The following UBR4 variants were observed in gnomAD, a reference collection of about 807,000 sequenced individuals.
The protein encoded by UBR4 is E3 ubiquitin-protein ligase UBR4.
Under a neutral mutation model 575.6 loss-of-function variants are expected in UBR4, and 124 were observed. That is an observed-to-expected ratio of 0.22 (90% CI 0.19 to 0.25). The LOEUF is 0.25. UBR4 is among the 10% of genes least tolerant of loss of function. The probability of loss-of-function intolerance (pLI) is 1.00; values close to 1 mark genes in which losing one functional copy is unlikely to be tolerated. For synonymous variants in UBR4, 2,455 were observed against 2,473.7 expected, an observed-to-expected ratio of 0.99 and a Z score of 0.22; for missense variants, 4,818 against 6,478.8, an observed-to-expected ratio of 0.74 and a Z score of 8.80.
Position 19,148,590 on chromosome 1 carries a change from G to C in UBR4, c.7467C>G (p.Cys2489Trp), listed in dbSNP as rs1355327804. 42 of 1,614,116 alleles carry C rather than the reference G, an allele frequency of 2.6e-5. No individual in the cohort carries two copies. The highest frequency in any genetic ancestry group is 3.3e-5 in the Non-Finnish European group (39 of 1,180,046). Residue 2489 changes from cysteine to tryptophan, a missense_variant, in exon 50 of 106, where the codon TGC (cysteine) becomes TGG (tryptophan). By Grantham distance (215) the Cys-to-Trp change is radical. This residue lies in a region of UBR4 where 340 missense variants were observed against 375.4 expected (regional missense o/e 0.91). Coordinates refer to ENST00000375254, the MANE Select transcript of UBR4 (RefSeq NM_020765.3). ...TCTCGATGATTGGGCCAACGGCAAA[G>C]CAGCTTTCCAGGGCTTCTAAAGAAC... ...VVSSLEALES[C>W]FAVGPIIEKE...
At chr1:19,130,494 C>T (rs2082295301) in intron 60 of UBR4, among the ~76,000 whole-genome samples, 1 of 152,188 alleles carries the variant, frequency 6.6e-6, no homozygotes. Flanking sequence ...CCAGCCTGAA[C>T]AACAGAGCAA....
rs2078555205 is a variant in UBR4 at position 19,100,867 on chromosome 1, AG to A, written c.13024-295del. On this transcript the variant is annotated intron_variant, in intron 88 of 105. Coordinates refer to ENST00000375254, the MANE Select transcript of UBR4 (RefSeq NM_020765.3). This position sits in a 1 kb window ranked among gnomAD's most constrained non-coding sequence, Gnocchi z 4.2. ...GAGAGATATATTAAAAAATCGGGGAAGGGGTGCGAGGAGGGACTTTCCTTCC... is the reference window on the plus strand; with the variant it reads ...GAGAGATATATTAAAAAATCGGGGAAGGGTGCGAGGAGGGACTTTCCTTCC... Among the ~76,000 whole-genome samples, 1 of 151,990 alleles carries A rather than the reference AG, an allele frequency of 6.6e-6. No individual in the cohort carries two copies. Among genetic ancestry groups the A allele is most frequent in the African/African-American group, 2.4e-5 (1 of 41,372 alleles).
chr1:19,132,974 C>G (rs2082715794), intron 60 of UBR4, among the ~76,000 whole-genome samples: 1 of 152,138 alleles, frequency 6.6e-6, no homozygotes, highest in African/African-American at 2.4e-5. Context: ...TAAATCTTCC[C>G]TTAAATAAAG....
chr1:19,193,599 C>G, intron 8 of UBR4, 42 bp from the exon 9 acceptor site: 1 of 1,564,220 alleles, frequency 6.4e-7, no homozygotes, highest in Non-Finnish European at 8.7e-7. Flanking sequence ...GGAGTGCATC[C>G]AAGAATCCAC....
chr1:19,178,951 T>G, intron 18 of UBR4, 100 bp downstream of exon 18: 1 of 1,440,472 alleles, frequency 6.9e-7, no homozygotes, highest in Non-Finnish European at 9.5e-7. Flanking sequence ...AACATTATCA[T>G]TACAGCAAAG....
chr1:19,209,850 A>G (rs1046768156), intron 1 of UBR4, among the ~76,000 whole-genome samples: 3 of 152,224 alleles, frequency 2.0e-5, no homozygotes, highest in Non-Finnish European at 4.4e-5. Flanking sequence ...GGAGGCCGCT[A>G]AAGTTTTGCT....
rs1557450952 is a variant in UBR4, at chr1:19,076,782, A to G, written c.15445T>C (p.Phe5149Leu). 6.2e-7 allele frequency: 1 copy of G among 1,613,708 alleles called. No individual in the cohort carries two copies. The highest frequency in any genetic ancestry group is 1.1e-5 in the South Asian group (1 of 91,048). Residue 5149 changes from phenylalanine to leucine, a missense_variant, in exon 105 of 106, where the codon TTC (phenylalanine) becomes CTC (leucine). This residue lies in a region of UBR4 where 212 missense variants were observed against 221.3 expected (regional missense o/e 0.96). Coordinates refer to ENST00000375254, the MANE Select transcript of UBR4 (RefSeq NM_020765.3). ...TCTGAGAAGGTCTCCACTGGCATGA[A>G]CTCCTCCTGGAAGGTTTTCAGGGCT... ...DKALKTFQEE[F>L]MPVETFSEFL... is the part of the protein sequence containing the mutation.
intron 30 of UBR4, 138 bp from the exon 31 acceptor site, chr1:19,165,487 AC>A: frequency 9.7e-7 from 1 of 1,033,670 alleles, no homozygotes. Flanking sequence ...CATGAAATTA[AC>A]CCCCTCACCA....
intron 105 of UBR4, 127 bp downstream of exon 105, chr1:19,076,613 G>A: frequency 1.6e-6 from 2 of 1,275,286 alleles, no homozygotes; most frequent in Non-Finnish European, 2.2e-6. Flanking sequence ...GGCTTTCAGT[G>A]GCAGCTGACA....
chr1:19,193,098 G>C (rs1212499644), intron 9 of UBR4, among the ~76,000 whole-genome samples: 1 of 152,128 alleles, frequency 6.6e-6, no homozygotes, highest in East Asian at 1.9e-4. Flanking sequence ...CAATCACAAT[G>C]TATTGTTTCA....
chr1:19,078,565 C>T (rs2076183750), intron 103 of UBR4: 1 of 159,014 alleles, frequency 6.3e-6, no homozygotes, highest in African/African-American at 2.4e-5. Context: ...ACTTGTCAAA[C>T]ATGTGCTGTG....
rs377505431 is a variant in UBR4 at position 19,167,016 on chromosome 1, G to A, written c.4109+6C>T. 2.5e-6 allele frequency: 4 copies of A among 1,614,164 alleles called. No homozygotes were observed. Among genetic ancestry groups the A allele is most frequent in the Non-Finnish European group, 3.4e-6 (4 of 1,180,000 alleles). ...AGGAAACCTGACTGTTCTCCATCAGGCTCACCTGTTAGGATCTGCATGATT... is the reference window on the plus strand; with the variant it reads ...AGGAAACCTGACTGTTCTCCATCAGACTCACCTGTTAGGATCTGCATGATT... On this transcript the variant is annotated splice_donor_region_variant and intron_variant, in intron 29 of 105. Transcript: ENST00000375254.
At position 19,094,023 on chromosome 1, in the gene UBR4, C is replaced by T. The variant is rs540655585; in HGVS notation, c.13863G>A (p.Pro4621=). Reference sequence around the variant, plus strand: ...TCTCCACCTCTCCAAAGGAAAGGTACGGGATGATGCGAAGCAGGCCCTGGA... The same window carrying T: ...TCTCCACCTCTCCAAAGGAAAGGTATGGGATGATGCGAAGCAGGCCCTGGA... ...SVLQGLLRII[P]YLSFGEVEKM... Residue 4621 remains proline (P), a synonymous_variant, in exon 95 of 106, where the codon CCG becomes CCA. Coordinates refer to ENST00000375254, the MANE Select transcript of UBR4 (RefSeq NM_020765.3). The T allele has an allele frequency of 2.0e-5, 33 of 1,614,018 alleles. No individual in the cohort carries two copies. Among genetic ancestry groups the T allele is most frequent in the East Asian group, 4.5e-5 (2 of 44,870 alleles).
chr1:19,076,041 T>C (rs2075904877), intron 105 of UBR4, among the ~76,000 whole-genome samples: 1 of 152,226 alleles, frequency 6.6e-6, no homozygotes, highest in South Asian at 2.1e-4. Flanking sequence ...CAGGGCACTG[T>C]CTTTTAACCC....
chr1:19,138,925 C>T (rs984145961), intron 59 of UBR4, among the ~76,000 whole-genome samples, 158 bp downstream of exon 59: 2 of 152,118 alleles, frequency 1.3e-5, no homozygotes, highest in African/African-American at 4.8e-5. Flanking sequence ...AAAACTGAGG[C>T]CAAATGAATT....
At chr1:19,207,156 G>C (rs948412194) in intron 1 of UBR4, among the ~76,000 whole-genome samples, 1 of 152,228 alleles carries the variant, frequency 6.6e-6, no homozygotes, top group Non-Finnish European at 1.5e-5. Flanking sequence ...GGAAACTGCA[G>C]AAGATGGGAG....
Position 19,114,913 on chromosome 1 carries a change from G to A in UBR4, c.11100C>T (p.Cys3700=). The A allele has an allele frequency of 6.2e-7, 1 of 1,614,230 alleles. No homozygotes were observed. Among genetic ancestry groups the A allele is most frequent in the South Asian group, 1.1e-5 (1 of 91,088 alleles). Residue 3700 remains cysteine (C), a synonymous_variant, in exon 75 of 106, where the codon TGC becomes TGT. Transcript: ENST00000375254. Reference sequence around the variant, plus strand: ...CATATTTACAGAAGCCACAGGCATTGCAGAGGAAGGGATCCTTTTCATCGT... The same window carrying A: ...CATATTTACAGAAGCCACAGGCATTACAGAGGAAGGGATCCTTTTCATCGT... ...INYDEKDPFL[C]NACGFCKYAR...
Position 19,093,330 on chromosome 1 carries a change from G to A in UBR4, c.14094C>T (p.His4698=), listed in dbSNP as rs1440643806. The A allele has an allele frequency of 1.2e-6, 2 of 1,613,916 alleles. No homozygotes were observed. Among genetic ancestry groups the A allele is most frequent in the Admixed American group, 3.3e-5 (2 of 60,032 alleles). The change falls in exon 96 of 106, where the codon CAC becomes CAT. Residue 4698 remains histidine (H), a synonymous_variant. Coordinates refer to ENST00000375254, the MANE Select transcript of UBR4 (RefSeq NM_020765.3). The surrounding 1 kb of genome is among the most constrained non-coding windows in gnomAD (Gnocchi z 4.8). ...CTTCATACTTCTTGGCGCTAGGGAT[G>A]TGCTTTTTCATGTAGTCAAGTGCAT... is the stretch of plus-strand genomic sequence containing the variant. The part of the protein sequence containing the change: ...TQNALDYMKK[H]IPSAKNLDAD...
Position 19,157,172 on chromosome 1 carries a change from T to C in UBR4, c.5761-247A>G, listed in dbSNP as rs1290301586. ...ATTTCTCTTTATATAGTTCACAAAA[T>C]AGTTTAAGAATACCTACGTACCACT... is the stretch of plus-strand genomic sequence containing the variant. On this transcript the variant is annotated intron_variant, in intron 40 of 105. Transcript: ENST00000375254. This position sits in a 1 kb window ranked among gnomAD's most constrained non-coding sequence, Gnocchi z 4.4. Among the ~76,000 whole-genome samples the C allele has an allele frequency of 6.6e-6, 1 of 152,230 alleles. No individual in the cohort carries two copies. Among genetic ancestry groups the C allele is most frequent in the African/African-American group, 2.4e-5 (1 of 41,462 alleles).
Sources: gnomAD v4.1 joint callset for allele counts (sites outside exome capture counted in the v4.1 genomes callset) on GRCh38, gnomAD v4.1.1 for gene constraint, gnomAD v4.1.1 regional missense constraint, Gnocchi (gnomAD v3.1) non-coding constraint, MANE v1.5 for transcripts, NCBI Gene and HGNC (gene_info 2026-07-23, HGNC 2026-07-21) for gene names.